MICAL3: variants seen among roughly 807,000 people sequenced by gnomAD.
The protein encoded by MICAL3 is microtubule associated monooxygenase, calponin and LIM domain containing 3, also known as [F-actin]-monooxygenase MICAL3.
A neutral mutation model predicts 207.4 loss-of-function variants in MICAL3; 62 were observed. That is an observed-to-expected ratio of 0.30 (90% CI 0.24 to 0.37). The LOEUF is 0.37. Among genes scored for constraint, MICAL3 ranks in the 10% least tolerant of loss-of-function variants. MICAL3 has a pLI of 1.00. For missense variants in MICAL3, 2,368 were observed against 2,635.6 expected (o/e 0.90, Z 2.22); for synonymous variants, 1,077 against 1,069.3 (o/e 1.01, Z -0.14).
intron 1 of MICAL3, 90 bp from the exon 2 acceptor site, chr22:17,906,976 A>G: frequency 1.5e-6 from 1 of 667,106 alleles, no homozygotes; most frequent in Non-Finnish European, 2.5e-6. Flanking sequence ...AGAGTTCTAA[A>G]GTGTCGCAGT....
At chr22:17,820,504 G>A (rs1369280061) in intron 25 of MICAL3, among the ~76,000 whole-genome samples, 3 of 152,096 alleles carry the variant, frequency 2.0e-5, no homozygotes, top group Non-Finnish European at 4.4e-5. Context: ...ACAGGCGCCC[G>A]CCACCACGCC....
At chr22:17,791,977 G>A (rs529307228) in intron 29 of MICAL3, among the ~76,000 whole-genome samples, 1 of 152,350 alleles carries the variant, frequency 6.6e-6, no homozygotes, top group African/African-American at 2.4e-5. Flanking sequence ...GGGATGGAAG[G>A]AGGTGGCCAC....
chr22:17,800,857 G>A (rs556761096), intron 29 of MICAL3, among the ~76,000 whole-genome samples: 2 of 152,320 alleles, frequency 1.3e-5, no homozygotes, highest in East Asian at 3.9e-4. Context: ...AGTGCTCTAA[G>A]AATGACACAA....
In MICAL3 at chr22:17,850,400, GTTTTTTTTTT is replaced by G. The variant is rs565667574; in HGVS notation, c.2606-8393_2606-8384del. ...CTGTGGAACTTTTGCTTTTGAATTA[GTTTTTTTTTT>G]TTTTTTTTTTTTTTTTTTGAGATGG... On this transcript the variant is annotated intron_variant, in intron 19 of 31. Coordinates refer to ENST00000441493, the MANE Select transcript of MICAL3 (RefSeq NM_015241.3). Among the ~76,000 whole-genome samples, 53 of 74,420 alleles carry G rather than the reference GTTTTTTTTTT, an allele frequency of 7.1e-4. 1 individual carries two copies. The highest frequency in any genetic ancestry group is 9.8e-3 in the Middle Eastern group (1 of 102). The allele number at this position is 74,420 out of a possible 152,430, so 48.8% of individuals were successfully genotyped here. A position where few individuals can be genotyped will look rare whatever the true frequency, so the allele number is the denominator to read the frequency against.
chr22:17,901,416 T>G (rs1411435470), intron 5 of MICAL3, among the ~76,000 whole-genome samples: 1 of 152,124 alleles, frequency 6.6e-6, no homozygotes, highest in Non-Finnish European at 1.5e-5. Context: ...TTCACGCCTG[T>G]AATCCCAACA....
At chr22:17,981,791 C>T (rs1386762704) in intron 1 of MICAL3, among the ~76,000 whole-genome samples, 2 of 152,140 alleles carry the variant, frequency 1.3e-5, no homozygotes, top group Non-Finnish European at 2.9e-5. Flanking sequence ...TATTATAATT[C>T]ATTTAATTAT....
At chr22:18,020,587 T>C (rs1434408683) in intron 1 of MICAL3, among the ~76,000 whole-genome samples, 1 of 91,542 alleles carries the variant, frequency 1.1e-5, no homozygotes, top group Non-Finnish European at 2.2e-5. Flanking sequence ...TACTTTCAAA[T>C]AAAATGGCTG....
chr22:17,954,321 G>A (rs756800502), intron 1 of MICAL3, among the ~76,000 whole-genome samples: 3 of 152,166 alleles, frequency 2.0e-5, no homozygotes, highest in Non-Finnish European at 4.4e-5. Flanking sequence ...AACACTGCAT[G>A]GACAAGTGGG....
At chr22:18,004,936 T>TG (rs1923286337) in intron 1 of MICAL3, 1 of 151,584 alleles carries the variant, frequency 6.6e-6, no homozygotes, top group Non-Finnish European at 1.5e-5. Flanking sequence ...TTATTTTGTT[T>TG]TTTTTTATTT....
At chr22:17,958,006 A>T (rs5992914) in intron 1 of MICAL3, among the ~76,000 whole-genome samples, 10,531 of 152,206 alleles carry the variant, frequency 0.069, 803 homozygotes, top group African/African-American at 0.19. Flanking sequence ...AAACCTAAAA[A>T]TTCCACATTA....
chr22:17,967,110 A>G (rs5992926), intron 1 of MICAL3, among the ~76,000 whole-genome samples: 30,420 of 152,084 alleles, frequency 0.2, 3,205 homozygotes, highest in Middle Eastern at 0.27. Context: ...CAGTCAACCA[A>G]CACGTGCTGA....
rs1045703346 is a variant in MICAL3 at position 17,870,545 on chromosome 22, T to C, written c.2428+1292A>G. ...TGGGCAAAAGTACCTGTAGATCAAT[T>C]AGCTGCACCTTGCGACATCTTCTTT... On this transcript the variant is annotated intron_variant, in intron 17 of 31. Coordinates refer to ENST00000441493, the MANE Select transcript of MICAL3 (RefSeq NM_015241.3). 3.3e-5 allele frequency among the ~76,000 whole-genome samples: 5 copies of C among 152,158 alleles called. 1 individual carries two copies. The highest frequency in any genetic ancestry group is 2.9e-5 in the Non-Finnish European group (2 of 68,026).
chr22:17,804,945 G>C (rs1381257459), intron 29 of MICAL3, among the ~76,000 whole-genome samples: 1 of 152,196 alleles, frequency 6.6e-6, no homozygotes, highest in Non-Finnish European at 1.5e-5. Context: ...TTGTGGCCTG[G>C]CCCTAGGATC....
At chr22:17,875,153 C>T (rs1928155648) in intron 16 of MICAL3, 1 of 184,638 alleles carries the variant, frequency 5.4e-6, no homozygotes, top group Admixed American at 6.2e-5. Flanking sequence ...GGCTGCAAAA[C>T]ATTTATCATT....
In MICAL3 at chr22:17,841,737, A is replaced by G; in HGVS notation, c.2801+85T>C. 2.1e-6 allele frequency: 3 copies of G among 1,396,926 alleles called. No homozygotes were observed. The highest frequency in any genetic ancestry group is 2.9e-6 in the Non-Finnish European group (3 of 1,020,330). The allele number at this position is 1,396,926 out of a possible 1,614,324, so 86.5% of individuals were successfully genotyped here. A position where few individuals can be genotyped will look rare whatever the true frequency, so the allele number is the denominator to read the frequency against. On this transcript the variant is annotated intron_variant, in intron 20 of 31. Transcript: ENST00000441493. This position sits in a 1 kb window ranked among gnomAD's most constrained non-coding sequence, Gnocchi z 4.2. ...CAGGAAAGACAGGAGGCCTCCCTTC[A>G]CTGAGAAGAAACCGAGACACACAGA...
chr22:17,858,360 G>T, intron 19 of MICAL3: 2 of 488,104 alleles, frequency 4.1e-6, no homozygotes, highest in Non-Finnish European at 5.3e-6. Context: ...TAATCTACTT[G>T]CTGGCACTTG....
intron 17 of MICAL3, 63 bp downstream of exon 17, chr22:17,871,774 C>G (rs1927749843): frequency 6.7e-7 from 1 of 1,481,888 alleles, no homozygotes; most frequent in Non-Finnish European, 9.1e-7. Context: ...AGGCGCCCAG[C>G]TCAGATGGAA....
intron 1 of MICAL3, among the ~76,000 whole-genome samples, chr22:17,934,584 C>T: frequency 6.6e-6 from 1 of 151,990 alleles, no homozygotes; most frequent in Non-Finnish European, 1.5e-5. Flanking sequence ...TCCTATTCAA[C>T]ACAGTGTTGG....
chr22:17,827,342 A>G (rs1188842167), intron 22 of MICAL3, among the ~76,000 whole-genome samples: 1 of 152,212 alleles, frequency 6.6e-6, no homozygotes, highest in African/African-American at 2.4e-5. Flanking sequence ...AGGAAAGAGC[A>G]GCGGTGACCA....
Sources: gnomAD v4.1 joint callset for allele counts (sites outside exome capture counted in the v4.1 genomes callset) on GRCh38, gnomAD v4.1.1 for gene constraint, Gnocchi (gnomAD v3.1) non-coding constraint, MANE v1.5 for transcripts, NCBI Gene and HGNC (gene_info 2026-07-23, HGNC 2026-07-21) for gene names.